The following TSPAN16 variants were observed in gnomAD, a reference collection of about 807,000 sequenced individuals.
TSPAN16 encodes tetraspanin 16.
In TSPAN16, 23 loss-of-function variants were observed where a neutral mutation model predicts 25.2. The observed-to-expected ratio is 0.91, with a 90% CI of 0.66 to 1.29. TSPAN16 has a LOEUF of 1.29. Ranked by LOEUF, TSPAN16 falls within the 50% of genes most tolerant of loss-of-function variation. The pLI is 0.00. For missense variants in TSPAN16, 272 were observed against 299.9 expected (o/e 0.91, Z 0.69); for synonymous variants, 123 against 124.4 (o/e 0.99, Z 0.08).
At chr19:11,303,116 G>T (rs1381486948) in intron 4 of TSPAN16, among the ~76,000 whole-genome samples, 1 of 150,216 alleles carries the variant, frequency 6.7e-6, no homozygotes, top group African/African-American at 2.5e-5. Context: ...GAATAGAAAG[G>T]GGGGAAAGGT....
At chr19:11,300,066 T>G (rs1464274754) in intron 3 of TSPAN16, among the ~76,000 whole-genome samples, 2 of 151,978 alleles carry the variant, frequency 1.3e-5, no homozygotes, top group African/African-American at 4.8e-5. Context: ...TTAGGCAAGT[T>G]AAAATACATC....
At chr19:11,301,348 T>C (rs370948911) in intron 4 of TSPAN16, 40 bp downstream of exon 4, 7 of 1,527,286 alleles carry the variant, frequency 4.6e-6, no homozygotes, top group Middle Eastern at 3.4e-4. Flanking sequence ...GGTGTAAAGG[T>C]ACACAACATG....
chr19:11,325,321 T>A, intron 6 of TSPAN16: 1 of 935,606 alleles, frequency 1.1e-6, no homozygotes, highest in South Asian at 1.6e-5. Context: ...AGCTTGGAGA[T>A]AACCACTGTG....
chr19:11,301,310 T>C lies in TSPAN16; in HGVS notation c.450+2T>C, dbSNP rs745943041. On this transcript the variant is annotated splice_donor_variant, in intron 4 of 6. Coordinates refer to ENST00000590327, the MANE Select transcript of TSPAN16 (RefSeq NM_001282509.2). LOFTEE classifies it high-confidence loss of function. ...CAGTGGAACTTGGTCATGGAGAAGG[T>C]GAGGCTTACTTAAAAAAAAAAAATT... 4 of 1,611,716 alleles carry C rather than the reference T, an allele frequency of 2.5e-6. No individual in the cohort carries two copies. Among genetic ancestry groups the C allele is most frequent in the Non-Finnish European group, 3.4e-6 (4 of 1,178,516 alleles).
chr19:11,306,191 G>A (rs1373732247), intron 4 of TSPAN16, among the ~76,000 whole-genome samples: 6 of 152,016 alleles, frequency 3.9e-5, no homozygotes, highest in Non-Finnish European at 5.9e-5. Context: ...TCACTGAGGA[G>A]TTCAGCTTTT....
downstream of TSPAN16, among the ~76,000 whole-genome samples, chr19:11,318,323 C>T (rs575231289): frequency 6.6e-6 from 1 of 152,054 alleles, no homozygotes; most frequent in African/African-American, 2.4e-5. Context: ...CCACACCCAG[C>T]CTAATTTTTT....
intron 6 of TSPAN16, among the ~76,000 whole-genome samples, chr19:11,314,484 C>G (rs970996191): frequency 1.3e-5 from 2 of 152,132 alleles, no homozygotes. Flanking sequence ...AGACAAGGCT[C>G]TATCTTACCA....
At chr19:11,320,740 A>G (rs1687995223), downstream of TSPAN16, among the ~76,000 whole-genome samples, 1 of 152,020 alleles carries the variant, frequency 6.6e-6, no homozygotes, top group African/African-American at 2.4e-5. Flanking sequence ...TTGCAGTACT[A>G]AATCAGGGGA....
At chr19:11,320,540 G>A (rs2080772031), downstream of TSPAN16, among the ~76,000 whole-genome samples, 2 of 152,070 alleles carry the variant, frequency 1.3e-5, no homozygotes, top group Non-Finnish European at 2.9e-5. Context: ...GGATGTGGTG[G>A]TGCTTGCTTG....
intron 4 of TSPAN16, among the ~76,000 whole-genome samples, chr19:11,302,148 A>G (rs1029675965): frequency 1.3e-5 from 2 of 152,074 alleles, no homozygotes; most frequent in Non-Finnish European, 1.5e-5. Context: ...TGAAGTGTGC[A>G]GTTCAGCGGC....
At chr19:11,302,660 C>CGT (rs2080569966) in intron 4 of TSPAN16, among the ~76,000 whole-genome samples, 1 of 97,848 alleles carries the variant, frequency 1.0e-5, no homozygotes, top group Non-Finnish European at 1.9e-5. Context: ...TATACACATA[C>CGT]ATATATATAT....
intron 4 of TSPAN16, 129 bp from the exon 5 acceptor site, chr19:11,306,475 T>C: frequency 8.7e-7 from 1 of 1,148,998 alleles, no homozygotes; most frequent in Non-Finnish European, 1.2e-6. Context: ...ATGGGATGTT[T>C]GTAAGAGGAT....
chr19:11,320,746 G>C (rs2080773812), downstream of TSPAN16, among the ~76,000 whole-genome samples: 2 of 152,038 alleles, frequency 1.3e-5, no homozygotes, highest in Non-Finnish European at 2.9e-5. Context: ...TACTAAATCA[G>C]GGGAGGGGGC....
intron 6 of TSPAN16, among the ~76,000 whole-genome samples, chr19:11,321,710 C>T (rs1267684588): frequency 1.3e-5 from 2 of 152,044 alleles, no homozygotes; most frequent in African/African-American, 2.4e-5. Context: ...TGCAGGGCCC[C>T]GGGGGCCACA....
chr19:11,306,964 C>T (rs898153750), intron 5 of TSPAN16: 44 of 497,438 alleles, frequency 8.8e-5, no homozygotes, highest in Middle Eastern at 5.8e-4. Flanking sequence ...CACAGGCATG[C>T]ACCGCCACAC....
At chr19:11,303,459 C>T (rs1335156739) in intron 4 of TSPAN16, among the ~76,000 whole-genome samples, 3 of 142,532 alleles carry the variant, frequency 2.1e-5, no homozygotes, top group Admixed American at 7.1e-5. Context: ...AACCAGAGAC[C>T]TTTGTTCACT....
intron 5 of TSPAN16, among the ~76,000 whole-genome samples, chr19:11,308,495 G>A (rs1334662675): frequency 6.7e-6 from 1 of 150,210 alleles, no homozygotes; most frequent in African/African-American, 2.4e-5. Context: ...TTTTGAGACG[G>A]AGTCTTGCTC....
intron 1 of TSPAN16, among the ~76,000 whole-genome samples, chr19:11,296,941 G>C (rs1377241595): frequency 6.6e-6 from 1 of 152,186 alleles, no homozygotes; most frequent in Non-Finnish European, 1.5e-5. Flanking sequence ...TCAGGAGGCT[G>C]AGGCATGTGA....
chr19:11,318,291 C>A (rs1487611056), downstream of TSPAN16, among the ~76,000 whole-genome samples: 1 of 152,090 alleles, frequency 6.6e-6, no homozygotes, highest in African/African-American at 2.4e-5. Flanking sequence ...TCCCAAAGTG[C>A]TGGGATTACA....
Sources: gnomAD v4.1 joint callset for allele counts (sites outside exome capture counted in the v4.1 genomes callset) on GRCh38, gnomAD v4.1.1 for gene constraint, MANE v1.5 for transcripts, NCBI Gene and HGNC (gene_info 2026-07-23, HGNC 2026-07-21) for gene names.